The following CLSTN1 variants were observed in gnomAD, a reference collection of about 807,000 sequenced individuals.
CLSTN1 encodes calsyntenin 1.
A neutral mutation model predicts 108.3 loss-of-function variants in CLSTN1; 28 were observed. That is an observed-to-expected ratio of 0.26 (90% confidence interval 0.19 to 0.35). The LOEUF is 0.35. Among genes scored for constraint, CLSTN1 ranks in the 10% least tolerant of loss-of-function variants. The pLI is 1.00. For missense variants in CLSTN1, 1,157 were observed against 1,302.6 expected, an observed-to-expected ratio of 0.89 and a Z score of 1.72; for synonymous variants, 524 against 534.9, an observed-to-expected ratio of 0.98 and a Z score of 0.28.
At chr1:9,788,643 G>A (rs957467348) in intron 1 of CLSTN1, among the ~76,000 whole-genome samples, 2 of 151,008 alleles carry the variant, frequency 1.3e-5, no homozygotes, top group Admixed American at 6.7e-5. Flanking sequence ...CGAGGCAGGC[G>A]GATCATGAGG....
At chr1:9,747,435 T>A (rs543937927) in intron 7 of CLSTN1, among the ~76,000 whole-genome samples, 1 of 152,144 alleles carries the variant, frequency 6.6e-6, no homozygotes, top group African/African-American at 2.4e-5. Context: ...ATGCTCATCA[T>A]TGGACTGTGG....
At chr1:9,804,461 C>T (rs2101285921) in intron 1 of CLSTN1, among the ~76,000 whole-genome samples, 1 of 152,150 alleles carries the variant, frequency 6.6e-6, no homozygotes, top group East Asian at 1.9e-4. Flanking sequence ...GTGAGGGCCT[C>T]CCTGGGAGCA....
At chr1:9,805,946 C>T (rs1003376736) in intron 1 of CLSTN1, among the ~76,000 whole-genome samples, 2 of 150,582 alleles carry the variant, frequency 1.3e-5, no homozygotes, top group Non-Finnish European at 3.0e-5. Flanking sequence ...TTAATAATTA[C>T]ATTATTTAAT....
chr1:9,799,431 G>C, intron 1 of CLSTN1, among the ~76,000 whole-genome samples: 1 of 150,646 alleles, frequency 6.6e-6, no homozygotes, highest in Non-Finnish European at 1.5e-5. Flanking sequence ...CACGAAGTCA[G>C]GAGATCGAGA....
At chr1:9,778,050 G>A (rs1240371632) in intron 1 of CLSTN1, among the ~76,000 whole-genome samples, 1 of 152,070 alleles carries the variant, frequency 6.6e-6, no homozygotes, top group Admixed American at 6.6e-5. Flanking sequence ...CAAAGGGCCC[G>A]CGACCTCAGG....
chr1:9,751,704 A>T (rs967824918), intron 4 of CLSTN1, 23 bp from the exon 5 acceptor site: 1 of 1,604,582 alleles, frequency 6.2e-7, no homozygotes, highest in South Asian at 1.1e-5. Context: ...AGGGAGAAAA[A>T]TATTTTTCTG....
chr1:9,808,096 G>A (rs1231566532), intron 1 of CLSTN1, among the ~76,000 whole-genome samples: 1 of 152,118 alleles, frequency 6.6e-6, no homozygotes, highest in Non-Finnish European at 1.5e-5. Flanking sequence ...TATCCACCAG[G>A]GTAGTGGTTC....
At chr1:9,744,259 C>A in intron 8 of CLSTN1, 136 bp downstream of exon 8, 1 of 1,328,308 alleles carries the variant, frequency 7.5e-7, no homozygotes, top group Non-Finnish European at 1.0e-6. Context: ...ACCAAGTGCC[C>A]CAGGCACACA....
intron 10 of CLSTN1, among the ~76,000 whole-genome samples, chr1:9,740,307 GC>G (rs1650914491): frequency 1.3e-5 from 2 of 151,174 alleles, no homozygotes; most frequent in Admixed American, 1.3e-4. Context: ...TGATCTGCCC[GC>G]CTCAGCCTCC....
chr1:9,748,732 G>T (rs1174954522), intron 7 of CLSTN1, among the ~76,000 whole-genome samples: 1 of 151,546 alleles, frequency 6.6e-6, no homozygotes, highest in African/African-American at 2.4e-5. Context: ...CAGGTGATCT[G>T]CCCACCTCGG....
Position 9,731,506 on chromosome 1 carries a change from C to T in CLSTN1, c.2564-116G>A, listed in dbSNP as rs1357409915. On this transcript the variant is annotated intron_variant, in intron 17 of 18. Transcript: ENST00000377298. The stretch of plus-strand genomic sequence containing the variant: ...GGCTGGACAGCACGCTTCAGCTGAA[C>T]CCACAGGCCAGGAGGAAATACCAGG... 7 of 1,166,762 alleles carry T rather than the reference C, an allele frequency of 6.0e-6. No homozygotes were observed. The East Asian group carries it at 1.8e-4, about 30-fold the overall frequency. The allele number at this position is 1,166,762 out of a possible 1,614,324, so 72.3% of individuals were successfully genotyped here. A position where few individuals can be genotyped will look rare whatever the true frequency, so the allele number is the denominator to read the frequency against.
At chr1:9,800,408 G>C (rs951988032) in intron 1 of CLSTN1, among the ~76,000 whole-genome samples, 1 of 151,516 alleles carries the variant, frequency 6.6e-6, no homozygotes, top group Non-Finnish European at 1.5e-5. Flanking sequence ...ACCGCTATAA[G>C]ACCCCATGGA....
intron 1 of CLSTN1, among the ~76,000 whole-genome samples, chr1:9,801,829 T>C (rs1254451236): frequency 2.0e-5 from 3 of 152,296 alleles, no homozygotes; most frequent in African/African-American, 7.2e-5. Flanking sequence ...GTGCTGGGAT[T>C]ACAGGCGTGA....
At chr1:9,755,505 C>T (rs1236613706) in intron 3 of CLSTN1, among the ~76,000 whole-genome samples, 196 bp from the exon 4 acceptor site, 1 of 152,164 alleles carries the variant, frequency 6.6e-6, no homozygotes, top group Non-Finnish European at 1.5e-5. Context: ...TAAGATGAAG[C>T]AGATTCTGGC....
rs141122356 is a variant in CLSTN1, at chr1:9,757,943, G to C, written c.215-1433C>G. ...TCCCTGAACAGTGTTGTTTCATTTT[G>C]CTTGGTTTTAAGGTTTTAAAAATGG... On this transcript the variant is annotated intron_variant, in intron 2 of 18. Coordinates refer to ENST00000377298, the MANE Select transcript of CLSTN1 (RefSeq NM_001009566.3). Among the ~76,000 whole-genome samples the C allele has an allele frequency of 2.2e-3, 335 of 151,058 alleles. 1 individual carries two copies. Among genetic ancestry groups the C allele is most frequent in the African/African-American group, 7.9e-3 (324 of 40,980 alleles).
Position 9,768,932 on chromosome 1 carries a change from G to A in CLSTN1, c.214+4340C>T, listed in dbSNP as rs544917070. Among the ~76,000 whole-genome samples the A allele has an allele frequency of 4.1e-3, 569 of 139,734 alleles. 2 individuals carry two copies. The highest frequency in any genetic ancestry group is 0.013 in the African/African-American group (507 of 37,870). The allele number at this position is 139,734 out of a possible 152,430, so 91.7% of individuals were successfully genotyped here. ...CACAGGGAGAAAGTAAAGGAGAAAG[G>A]GAAAGAGGGAGGGAGGGAGGGAGGA... On this transcript the variant is annotated intron_variant, in intron 2 of 18. Transcript: ENST00000377298.
intron 1 of CLSTN1, among the ~76,000 whole-genome samples, chr1:9,803,793 C>T (rs777376209): frequency 6.6e-6 from 1 of 151,928 alleles, no homozygotes; most frequent in South Asian, 2.1e-4. Context: ...CAGAGCAAGA[C>T]TCCATCTTAA....
At chr1:9,765,680 G>A (rs577321020) in intron 2 of CLSTN1, among the ~76,000 whole-genome samples, 15 of 151,968 alleles carry the variant, frequency 9.9e-5, no homozygotes, top group African/African-American at 2.9e-4. Context: ...AGCAGTTTGC[G>A]GCCAGCCTGG....
At position 9,741,733 on chromosome 1, in the gene CLSTN1, G is replaced by A. The variant is rs536604878; in HGVS notation, c.1357-477C>T. On this transcript the variant is annotated intron_variant, in intron 9 of 18. Transcript: ENST00000377298. ...TTGAGACCAGCCTGGCCAACATATC[G>A]AAACCCCATCTCTACTGAAAATACA... Among the ~76,000 whole-genome samples, 6 of 152,228 alleles carry A rather than the reference G, an allele frequency of 3.9e-5. No individual in the cohort carries two copies. In the South Asian group the frequency reaches 1.0e-3, roughly 26 times the overall value.
Sources: allele counts gnomAD v4.1 joint callset (sites outside exome capture counted in the v4.1 genomes callset), GRCh38; gene constraint gnomAD v4.1.1; transcripts MANE v1.5; gene names NCBI Gene and HGNC (gene_info 2026-07-23, HGNC 2026-07-21).